Variants in FIBCD1 observed in about 807,000 individuals in gnomAD.
FIBCD1 encodes fibrinogen C domain-containing protein 1.
A neutral mutation model predicts 45.1 loss-of-function variants in FIBCD1; 47 were observed. The ratio of observed to expected loss-of-function variants is 1.04; its 90% CI spans 0.82 to 1.33. FIBCD1 has a LOEUF of 1.33. Ranked by LOEUF, FIBCD1 falls within the 40% of genes most tolerant of loss-of-function variation. The pLI is 0.00. For missense variants in FIBCD1, 653 were observed against 682.2 expected, an observed-to-expected ratio of 0.96 and a Z score of 0.48; for synonymous variants, 313 against 308.1, an observed-to-expected ratio of 1.02 and a Z score of -0.17.
chr9:130,925,128 C>A (rs1279248599), intron 2 of FIBCD1, among the ~76,000 whole-genome samples: 1 of 152,170 alleles, frequency 6.6e-6, no homozygotes, highest in Non-Finnish European at 1.5e-5. Flanking sequence ...CGTCCCACCC[C>A]CACTCCCCAT....
intron 2 of FIBCD1, 49 bp from the exon 3 acceptor site, chr9:130,924,445 T>G: frequency 1.7e-5 from 25 of 1,466,452 alleles, no homozygotes; most frequent in Non-Finnish European, 2.2e-5. Context: ...CTGTTGGGGG[T>G]GGGGTGGCGC....
intron 1 of FIBCD1, among the ~76,000 whole-genome samples, chr9:130,931,675 G>A (rs938420099): frequency 6.6e-6 from 1 of 152,254 alleles, no homozygotes; most frequent in Non-Finnish European, 1.5e-5. Flanking sequence ...GGGCAGACTC[G>A]CTCATGGCCC....
At chr9:130,911,186 C>T (rs1424291908) in intron 5 of FIBCD1, among the ~76,000 whole-genome samples, 1 of 152,226 alleles carries the variant, frequency 6.6e-6, no homozygotes, top group Admixed American at 6.5e-5. Context: ...AGTTTCACTC[C>T]TGAGCCAGCT....
At position 130,904,208 on chromosome 9, in the gene FIBCD1, G is replaced by A. The variant is rs763139343; in HGVS notation, c.1242C>T (p.Cys414=). The change falls in exon 7 of 7, where the codon TGC becomes TGT. Residue 414 remains cysteine, a synonymous_variant. Coordinates refer to ENST00000372338, the MANE Select transcript of FIBCD1 (RefSeq NM_032843.5). ...FYRGAWWYRN[C]HTSNLNGQYL... ...ACTGCCCATTGAGGTTGGACGTGTG[G>A]CAGTTGCGGTACCACCAGGCACCGC... 1 of 1,613,800 alleles carries A rather than the reference G, an allele frequency of 6.2e-7. No homozygotes were observed. The highest frequency in any genetic ancestry group is 1.1e-5 in the South Asian group (1 of 91,086).
At chr9:130,909,821 C>T (rs28374560) in intron 5 of FIBCD1, among the ~76,000 whole-genome samples, 24,611 of 151,796 alleles carry the variant, frequency 0.16, 3,812 homozygotes, top group African/African-American at 0.41. Flanking sequence ...TGAATTTAAA[C>T]ATAGGTAATG....
intron 1 of FIBCD1, among the ~76,000 whole-genome samples, chr9:130,935,199 T>C (rs1456799189): frequency 6.6e-6 from 1 of 152,210 alleles, no homozygotes; most frequent in Non-Finnish European, 1.5e-5. Flanking sequence ...CTTAGAAATT[T>C]TGAAAGCGTC....
At chr9:130,929,316 G>A (rs1160634312) in intron 2 of FIBCD1, among the ~76,000 whole-genome samples, 1 of 152,190 alleles carries the variant, frequency 6.6e-6, no homozygotes, top group Non-Finnish European at 1.5e-5. Flanking sequence ...GTGGGGTGCT[G>A]TACAGTTTAC....
In FIBCD1 at chr9:130,911,972, T is replaced by C. The variant is rs1050067423; in HGVS notation, c.850-84A>G. 465 of 1,263,838 alleles carry C rather than the reference T, an allele frequency of 3.7e-4. 2 individuals are homozygous for C. Among genetic ancestry groups the C allele is most frequent in the Non-Finnish European group, 4.5e-5 (40 of 897,084 alleles). 78.3% of individuals were successfully genotyped at this position (1,263,838 alleles called of 1,614,324 possible). A position where few individuals can be genotyped will look rare whatever the true frequency, so the allele number is the denominator to read the frequency against. ...ACCTGGGCCCACCCCGCCCAGAGACTCCCCTCACCCTGCTCCCAACCTGCC... is the reference window on the plus strand; with the variant it reads ...ACCTGGGCCCACCCCGCCCAGAGACCCCCCTCACCCTGCTCCCAACCTGCC... On this transcript the variant is annotated intron_variant, in intron 4 of 6. Coordinates refer to ENST00000372338, the MANE Select transcript of FIBCD1 (RefSeq NM_032843.5).
intron 4 of FIBCD1, among the ~76,000 whole-genome samples, chr9:130,917,993 C>T (rs1216644569): frequency 6.6e-6 from 1 of 152,178 alleles, no homozygotes; most frequent in Non-Finnish European, 1.5e-5. Context: ...CACAGCACCC[C>T]GTGTGTGCTC....
Position 130,911,782 on chromosome 9 carries a change from G to T in FIBCD1, c.946+10C>A. 6.3e-7 allele frequency: 1 copy of T among 1,590,800 alleles called. No individual in the cohort carries two copies. Among genetic ancestry groups the T allele is most frequent in the African/African-American group, 1.3e-5 (1 of 74,192 alleles). On this transcript the variant is annotated intron_variant, in intron 5 of 6. Transcript: ENST00000372338. ...GCCCACCTGGGCCGGATGGTGGGTGGGGTGCTCACCTAGCCAGTGCTCCCC... is the reference window on the plus strand; with the variant it reads ...GCCCACCTGGGCCGGATGGTGGGTGTGGTGCTCACCTAGCCAGTGCTCCCC...
At chr9:130,939,804 C>T (rs137917488), upstream of FIBCD1, among the ~76,000 whole-genome samples, 2 of 152,184 alleles carry the variant, frequency 1.3e-5, no homozygotes, top group South Asian at 2.1e-4. Flanking sequence ...TTTAATCCGC[C>T]CGGAGCGGCC....
At chr9:130,924,502 T>G in intron 2 of FIBCD1, 106 bp from the exon 3 acceptor site, 1 of 1,142,392 alleles carries the variant, frequency 8.8e-7, no homozygotes, top group South Asian at 1.6e-5. Flanking sequence ...GAGGCAGAGG[T>G]GGGCTTCTGG....
intron 4 of FIBCD1, among the ~76,000 whole-genome samples, chr9:130,921,665 C>T (rs577012988): frequency 1.2e-4 from 19 of 152,346 alleles, no homozygotes; most frequent in Admixed American, 6.5e-4. Flanking sequence ...TGGCCCGCTC[C>T]GGCGTCCTGA....
chr9:130,907,127 G>A (rs1340807594), intron 5 of FIBCD1, among the ~76,000 whole-genome samples: 7 of 152,180 alleles, frequency 4.6e-5, no homozygotes, highest in South Asian at 4.1e-4. Flanking sequence ...CCGGCCCCCC[G>A]GGGATGCTGG....
intron 5 of FIBCD1, among the ~76,000 whole-genome samples, chr9:130,906,118 C>T (rs1017881417): frequency 3.3e-5 from 5 of 152,020 alleles, no homozygotes; most frequent in African/African-American, 4.8e-5. Context: ...GCACCCTCAC[C>T]CCTCTAGGCC....
chr9:130,911,768 C>A, intron 5 of FIBCD1, 24 bp downstream of exon 5: 1 of 1,578,894 alleles, frequency 6.3e-7, no homozygotes, highest in South Asian at 1.2e-5. Context: ...CCCACCTGGG[C>A]CGGATGGTGG....
chr9:130,913,444 G>C, intron 4 of FIBCD1, among the ~76,000 whole-genome samples: 1 of 152,238 alleles, frequency 6.6e-6, no homozygotes, highest in East Asian at 1.9e-4. Flanking sequence ...CGAGGCGTCT[G>C]CCGCGTGAGC....
At chr9:130,912,293 C>T (rs886509004) in intron 4 of FIBCD1, among the ~76,000 whole-genome samples, 19 of 150,996 alleles carry the variant, frequency 1.3e-4, no homozygotes, top group African/African-American at 3.9e-4. Flanking sequence ...GTAATCCTAG[C>T]TACTTGAGAG....
At chr9:130,925,540 G>A (rs1354430664) in intron 2 of FIBCD1, among the ~76,000 whole-genome samples, 1 of 152,158 alleles carries the variant, frequency 6.6e-6, no homozygotes, top group Non-Finnish European at 1.5e-5. Flanking sequence ...CCAGGATAAT[G>A]AGCCCTGTTT....
Sources: allele counts gnomAD v4.1 joint callset (sites outside exome capture counted in the v4.1 genomes callset), GRCh38; gene constraint gnomAD v4.1.1; transcripts MANE v1.5; gene names NCBI Gene and HGNC (gene_info 2026-07-23, HGNC 2026-07-21).